The following KLKB1 variants were observed in gnomAD, a reference collection of about 807,000 sequenced individuals.
KLKB1 encodes kallikrein B1.
In KLKB1, 58 loss-of-function variants were observed where a neutral mutation model predicts 73.6. The ratio of observed to expected loss-of-function variants is 0.79; its 90% CI spans 0.64 to 0.98. KLKB1 has a LOEUF of 0.98. Among genes scored for constraint, KLKB1 ranks in the 50% least tolerant of loss-of-function variants. KLKB1 has a pLI of 0.00. For synonymous variants in KLKB1, 280 were observed against 258.1 expected, an observed-to-expected ratio of 1.08 and a Z score of -0.81; for missense variants, 737 against 763.8, an observed-to-expected ratio of 0.96 and a Z score of 0.41.
At chr4:186,249,448 A>G (rs1300070343) in intron 6 of KLKB1, among the ~76,000 whole-genome samples, 1 of 152,208 alleles carries the variant, frequency 6.6e-6, no homozygotes, top group East Asian at 1.9e-4. Context: ...TTTTTGGACC[A>G]TCAGTTCTAT....
At chr4:186,226,053 T>A (rs1737157571), upstream of KLKB1, among the ~76,000 whole-genome samples, 1 of 152,076 alleles carries the variant, frequency 6.6e-6, no homozygotes, top group Non-Finnish European at 1.5e-5. Flanking sequence ...TGAAGCTGTT[T>A]GTGAATTTTT....
intron 2 of KLKB1, among the ~76,000 whole-genome samples, chr4:186,220,474 T>A (rs1737008777): frequency 6.6e-6 from 1 of 152,192 alleles, no homozygotes; most frequent in Non-Finnish European, 1.5e-5. Context: ...ACCCCATAGC[T>A]GGCACTCCCC....
chr4:186,256,592 T>C (rs1739003309), intron 13 of KLKB1, among the ~76,000 whole-genome samples: 1 of 152,214 alleles, frequency 6.6e-6, no homozygotes, highest in African/African-American at 2.4e-5. Flanking sequence ...TTTTTATTGG[T>C]AATCTGAGAC....
intron 2 of KLKB1, among the ~76,000 whole-genome samples, chr4:186,217,919 T>C (rs1736942528): frequency 6.6e-6 from 1 of 152,222 alleles, no homozygotes; most frequent in African/African-American, 2.4e-5. Context: ...CTAAAGTCTA[T>C]GTCAGAAGTG....
upstream of KLKB1, among the ~76,000 whole-genome samples, chr4:186,223,559 G>A (rs1447995599): frequency 6.6e-6 from 1 of 152,190 alleles, no homozygotes; most frequent in African/African-American, 2.4e-5. Flanking sequence ...GATCTGTGGA[G>A]CTTTGAACTT....
chr4:186,242,432 G>C (rs527750993), intron 6 of KLKB1, among the ~76,000 whole-genome samples: 124 of 152,240 alleles, frequency 8.1e-4, no homozygotes, highest in Non-Finnish European at 1.3e-3. Flanking sequence ...ATGTTTCTCA[G>C]GGCTGCTTCG....
At chr4:186,257,850 G>A (rs1162450361) in intron 14 of KLKB1, among the ~76,000 whole-genome samples, 171 bp from the exon 15 acceptor site, 11 of 151,798 alleles carry the variant, frequency 7.2e-5, no homozygotes, top group Admixed American at 7.2e-4. Flanking sequence ...TTGAGCCTAG[G>A]AATTTGAGAC....
In KLKB1 at chr4:186,245,824, G is replaced by GTTTTTTTTTTTTTTT. The variant is rs1402408736; in HGVS notation, c.599-4407_599-4406insTTTTTTTTTTTTTTT. On this transcript the variant is annotated intron_variant, in intron 6 of 14. Transcript: ENST00000264690. ...GGAGTTTTTTTTTGTTTGTTTTTTG[G>GTTTTTTTTTTTTTTT]TTTTTTTTTTTTAATGTCAGGAGCT... Among the ~76,000 whole-genome samples the GTTTTTTTTTTTTTTT allele has an allele frequency of 1.3e-3, 144 of 109,942 alleles. 27 individuals carry two copies. The highest frequency in any genetic ancestry group is 1.5e-3 in the Non-Finnish European group (74 of 50,774). 72.1% of individuals were successfully genotyped at this position (109,942 alleles called of 152,430 possible). A position where few individuals can be genotyped will look rare whatever the true frequency, so the allele number is the denominator to read the frequency against.
upstream of KLKB1, among the ~76,000 whole-genome samples, chr4:186,226,090 T>C (rs1201550175): frequency 6.6e-6 from 1 of 152,122 alleles, no homozygotes; most frequent in Non-Finnish European, 1.5e-5. Flanking sequence ...GTTCTTTAGC[T>C]CCAGAATTTC....
chr4:186,213,767 T>G (rs1736807033), intron 2 of KLKB1, among the ~76,000 whole-genome samples: 1 of 152,218 alleles, frequency 6.6e-6, no homozygotes, highest in Non-Finnish European at 1.5e-5. Context: ...CAATAAGAGA[T>G]GCTGGTCGTA....
In KLKB1 at chr4:186,258,467, G is replaced by T. The variant is rs890821754; in HGVS notation, c.*255G>T. On this transcript the variant is annotated 3_prime_UTR_variant, in exon 15 of 15. Coordinates refer to ENST00000264690, the MANE Select transcript of KLKB1 (RefSeq NM_000892.5). Reference sequence around the variant, plus strand: ...TGTGTTGTGAAATAAAATGGTGAAAGATCACGATTAGCAAGTGTTTTCTTC... The same window carrying T: ...TGTGTTGTGAAATAAAATGGTGAAATATCACGATTAGCAAGTGTTTTCTTC... 2 of 538,848 alleles carry T rather than the reference G, an allele frequency of 3.7e-6. No individual in the cohort carries two copies. Among genetic ancestry groups the T allele is most frequent in the African/African-American group, 3.8e-5 (2 of 52,562 alleles). The allele number at this position is 538,848 out of a possible 1,614,324, so 33.4% of individuals were successfully genotyped here.
At chr4:186,223,650 G>A (rs1191522803), upstream of KLKB1, among the ~76,000 whole-genome samples, 5 of 152,150 alleles carry the variant, frequency 3.3e-5, no homozygotes, top group Non-Finnish European at 5.9e-5. Flanking sequence ...TTTTCTGAAA[G>A]CATACAGTCA....
At chr4:186,215,098 T>C (rs1736852838) in intron 2 of KLKB1, among the ~76,000 whole-genome samples, 1 of 152,224 alleles carries the variant, frequency 6.6e-6, no homozygotes, top group African/African-American at 2.4e-5. Flanking sequence ...ACTTTGTTCC[T>C]TCAGTAAGGG....
rs552760878 is a variant in KLKB1 at position 186,246,013 on chromosome 4, G to A, written c.599-4230G>A. Among the ~76,000 whole-genome samples the A allele has an allele frequency of 4.0e-5, 6 of 151,566 alleles. No individual in the cohort carries two copies. In the South Asian group the frequency reaches 8.4e-4, roughly 21 times the overall value. ...AACGCTAACTGATTTGGGAGAGGTC[G>A]GATAAATAAAAAGGAACATTAATCT... On this transcript the variant is annotated intron_variant, in intron 6 of 14. Transcript: ENST00000264690.
At chr4:186,225,808 C>A (rs1446625488), upstream of KLKB1, among the ~76,000 whole-genome samples, 1 of 152,046 alleles carries the variant, frequency 6.6e-6, no homozygotes, top group African/African-American at 2.4e-5. Context: ...TCATTTATGT[C>A]TCCAAATTTT....
At chr4:186,224,986 G>A (rs965043978), upstream of KLKB1, among the ~76,000 whole-genome samples, 9 of 152,156 alleles carry the variant, frequency 5.9e-5, no homozygotes, top group Non-Finnish European at 1.3e-4. Context: ...AAAAGTGACA[G>A]TTTCCCCTGC....
At position 186,248,272 on chromosome 4, in the gene KLKB1, A is replaced by T. The variant is rs539406313; in HGVS notation, c.599-1971A>T. On this transcript the variant is annotated intron_variant, in intron 6 of 14. Coordinates refer to ENST00000264690, the MANE Select transcript of KLKB1 (RefSeq NM_000892.5). ...CACAAAAAAATAATAAAAATAAAAT[A>T]AAAAAAAAAAAGAAAGGCTGTCTTT... Among the ~76,000 whole-genome samples, 311 of 102,902 alleles carry T rather than the reference A, an allele frequency of 3.0e-3. 1 individual carries two copies. The highest frequency in any genetic ancestry group is 9.8e-3 in the African/African-American group (300 of 30,758). 67.5% of individuals were successfully genotyped at this position (102,902 alleles called of 152,430 possible).
At chr4:186,251,951 C>T in intron 10 of KLKB1, 66 bp from the exon 11 acceptor site, 2 of 1,610,338 alleles carry the variant, frequency 1.2e-6, no homozygotes, top group Non-Finnish European at 1.7e-6. Flanking sequence ...GTCTTGTTCT[C>T]CTTGGTTAGA....
In KLKB1 at chr4:186,258,248, G is replaced by A; in HGVS notation, c.*36G>A. The stretch of plus-strand genomic sequence containing the variant: ...AGAGTCTAGGCAATTTTTACAACCT[G>A]AGTTCAAGTCAAATTCTGAGCCTGG... On this transcript the variant is annotated 3_prime_UTR_variant, in exon 15 of 15. Coordinates refer to ENST00000264690, the MANE Select transcript of KLKB1 (RefSeq NM_000892.5). 6.3e-7 allele frequency: 1 copy of A among 1,580,958 alleles called. No individual in the cohort carries two copies. The highest frequency in any genetic ancestry group is 8.7e-7 in the Non-Finnish European group (1 of 1,155,268).
Sources: gnomAD v4.1 joint callset for allele counts (sites outside exome capture counted in the v4.1 genomes callset) on GRCh38, gnomAD v4.1.1 for gene constraint, MANE v1.5 for transcripts, NCBI Gene and HGNC (gene_info 2026-07-23, HGNC 2026-07-21) for gene names.